OPCML: variants seen among roughly 807,000 people sequenced by gnomAD.
OPCML encodes the protein opioid binding protein/cell adhesion molecule like.
In OPCML, 13 loss-of-function variants were observed where a neutral mutation model predicts 37.8. That is an observed-to-expected ratio of 0.34 (90% CI 0.22 to 0.55). The LOEUF (loss-of-function observed/expected upper bound fraction) is 0.55, where lower values mean the gene tolerates loss of function less well. OPCML is among the 20% of genes least tolerant of loss of function. The pLI is 0.91. For synonymous variants in OPCML, 176 were observed against 168.8 expected, an observed-to-expected ratio of 1.04 and a Z score of -0.33; for missense variants, 341 against 435.6, an observed-to-expected ratio of 0.78 and a Z score of 1.93.
intron 1 of OPCML, among the ~76,000 whole-genome samples, chr11:133,278,330 G>A (rs916674788): frequency 1.1e-4 from 17 of 152,176 alleles, no homozygotes; most frequent in African/African-American, 3.6e-4. Flanking sequence ...TCTTTTTTAG[G>A]GGGGGTTATT....
chr11:133,087,321 C>T (rs1290326027), intron 1 of OPCML, among the ~76,000 whole-genome samples: 2 of 151,994 alleles, frequency 1.3e-5, no homozygotes, highest in African/African-American at 4.8e-5. Flanking sequence ...TAGGGGCTAC[C>T]TGCCTAGGTT....
intron 3 of OPCML, among the ~76,000 whole-genome samples, chr11:132,579,408 TG>T (rs1291947440): frequency 4.6e-5 from 7 of 151,566 alleles, no homozygotes; most frequent in African/African-American, 1.7e-4. Flanking sequence ...TGTGTGTGTG[TG>T]TGTGTGTGAT....
At chr11:133,066,541 A>G (rs986753237) in intron 1 of OPCML, 3 of 152,228 alleles carry the variant, frequency 2.0e-5, no homozygotes, top group African/African-American at 7.2e-5. Flanking sequence ...TACGGTATCC[A>G]GCAACAACTA....
chr11:132,785,705 G>T (rs1195086767), intron 2 of OPCML, among the ~76,000 whole-genome samples: 1 of 152,150 alleles, frequency 6.6e-6, no homozygotes, highest in Non-Finnish European at 1.5e-5. Context: ...TTTGTAAGGA[G>T]CCACGTGCTT....
At chr11:132,864,478 ACTAT>A (rs1942444835) in intron 2 of OPCML, among the ~76,000 whole-genome samples, 1 of 152,212 alleles carries the variant, frequency 6.6e-6, no homozygotes, top group African/African-American at 2.4e-5. Context: ...TAAAAGTAGA[ACTAT>A]CTATGTCTCC....
chr11:133,021,510 G>A (rs185813214), intron 1 of OPCML, among the ~76,000 whole-genome samples: 7 of 152,208 alleles, frequency 4.6e-5, no homozygotes, highest in Admixed American at 4.6e-4. Flanking sequence ...CAACGGCAAT[G>A]AGCTTTGCTG....
intron 1 of OPCML, among the ~76,000 whole-genome samples, chr11:133,524,447 T>C (rs1410450208): frequency 6.6e-6 from 1 of 152,170 alleles, no homozygotes; most frequent in Non-Finnish European, 1.5e-5. Flanking sequence ...AACAACAGAA[T>C]TCTCCTTTTG....
intron 2 of OPCML, among the ~76,000 whole-genome samples, chr11:132,939,722 C>T (rs1439994253): frequency 2.0e-5 from 3 of 152,190 alleles, no homozygotes; most frequent in African/African-American, 7.2e-5. Context: ...TAGACACCAG[C>T]TGACCACACT....
At chr11:133,363,248 C>A (rs184899292) in intron 1 of OPCML, among the ~76,000 whole-genome samples, 21 of 152,284 alleles carry the variant, frequency 1.4e-4, no homozygotes, top group Admixed American at 8.5e-4. Flanking sequence ...ATGGAGACAG[C>A]GCTTCCTACA....
At position 132,501,925 on chromosome 11, in the gene OPCML, A is replaced by T. The variant is rs141981326; in HGVS notation, c.505+27136T>A. On this transcript the variant is annotated intron_variant, in intron 4 of 7. Transcript: ENST00000524381. ...ATGCTTTCAGATGAATCTGTTTCTG[A>T]GTCATGTTTCTGTGCGAACTATAAG... Among the ~76,000 whole-genome samples the T allele has an allele frequency of 1.0e-3, 158 of 152,290 alleles. 1 individual carries two copies. Among genetic ancestry groups the T allele is most frequent in the African/African-American group, 3.4e-3 (141 of 41,554 alleles).
rs149265370 is a variant in OPCML at position 133,238,728 on chromosome 11, C to T, written c.61+293536G>A. Among the ~76,000 whole-genome samples, 10 of 152,282 alleles carry T rather than the reference C, an allele frequency of 6.6e-5. No homozygotes were observed. In the Middle Eastern group the frequency reaches 0.01, roughly 155 times the overall value. On this transcript the variant is annotated intron_variant, in intron 1 of 7. Coordinates refer to ENST00000524381, the MANE Select transcript of OPCML (RefSeq NM_001012393.5). ...CATAAAGCAATGTTTCCATTTAAGC[C>T]CAGACTCTCATCAGAGGCTACCCCT...
chr11:133,079,026 C>A (rs1215962026), intron 1 of OPCML, among the ~76,000 whole-genome samples: 1 of 152,084 alleles, frequency 6.6e-6, no homozygotes, highest in Non-Finnish European at 1.5e-5. Context: ...TCTTGTTGAT[C>A]CAAGCTCATC....
intron 1 of OPCML, among the ~76,000 whole-genome samples, chr11:132,953,940 A>G (rs1218457204): frequency 6.6e-6 from 1 of 152,220 alleles, no homozygotes; most frequent in Admixed American, 6.5e-5. Context: ...GCTGCTCCTT[A>G]CGGGGCTGTA....
chr11:133,241,186 C>T (rs1272756168), intron 1 of OPCML, among the ~76,000 whole-genome samples: 10 of 152,214 alleles, frequency 6.6e-5, no homozygotes, highest in Admixed American at 6.5e-4. Context: ...GTTTTGTGTC[C>T]TCTTTAACTC....
chr11:132,466,827 T>C (rs955914635), intron 4 of OPCML, among the ~76,000 whole-genome samples: 2 of 152,180 alleles, frequency 1.3e-5, no homozygotes, highest in African/African-American at 4.8e-5. Context: ...TTGGATCAGA[T>C]ATTGCACAAA....
chr11:133,219,524 T>C (rs1939724141), intron 1 of OPCML, among the ~76,000 whole-genome samples: 1 of 152,230 alleles, frequency 6.6e-6, no homozygotes. Flanking sequence ...AATTTTAGCA[T>C]GGATAAGAAT....
At chr11:133,148,591 C>T (rs1033736784) in intron 1 of OPCML, among the ~76,000 whole-genome samples, 1 of 152,172 alleles carries the variant, frequency 6.6e-6, no homozygotes, top group South Asian at 2.1e-4. Flanking sequence ...CAGCCATGTG[C>T]ACTTCATTGC....
In OPCML at chr11:133,460,436, AC is replaced by A. The variant is rs562686729; in HGVS notation, c.61+71827del. 1.5e-3 allele frequency among the ~76,000 whole-genome samples: 226 copies of A among 152,030 alleles called. 1 individual carries two copies. Among genetic ancestry groups the A allele is most frequent in the Middle Eastern group, 6.8e-3 (2 of 294 alleles). ...AAAATAAAGAGTTGGTTTTTAAAAA[AC>A]ATTAGCAACATTGACAAACTTTTAG... On this transcript the variant is annotated intron_variant, in intron 1 of 7. Coordinates refer to ENST00000524381, the MANE Select transcript of OPCML (RefSeq NM_001012393.5).
rs918171109 is a variant in OPCML, at chr11:132,925,911, T to C, written c.146+17015A>G. 3.3e-5 allele frequency among the ~76,000 whole-genome samples: 5 copies of C among 152,328 alleles called. No individual in the cohort carries two copies. In the South Asian group the frequency reaches 6.2e-4, roughly 19 times the overall value. ...CTCTGTTATTCCCTACCACTCATTC[T>C]CTTGCTTATTCTGGCCCAGTCTCTC... is the stretch of plus-strand genomic sequence containing the variant. On this transcript the variant is annotated intron_variant, in intron 2 of 7. Transcript: ENST00000524381.
Sources: gnomAD v4.1 joint callset for allele counts (sites outside exome capture counted in the v4.1 genomes callset) on GRCh38, gnomAD v4.1.1 for gene constraint, MANE v1.5 for transcripts, NCBI Gene and HGNC (gene_info 2026-07-23, HGNC 2026-07-21) for gene names.